The following SPATA17 variants were observed in gnomAD, a reference collection of about 807,000 sequenced individuals.
SPATA17 encodes the protein spermatogenesis-associated protein 17.
SPATA17 carries 53 observed loss-of-function variants against 62.2 expected under a neutral mutation model. The observed-to-expected ratio is 0.85, with a 90% CI of 0.68 to 1.07. SPATA17 has a LOEUF of 1.07. Ranked by LOEUF, SPATA17 falls within the 50% of genes least tolerant of loss-of-function variation. The pLI is 0.00. For missense variants in SPATA17, 466 were observed against 425.5 expected, an observed-to-expected ratio of 1.10 and a Z score of -0.84; for synonymous variants, 146 against 146.8, an observed-to-expected ratio of 0.99 and a Z score of 0.04.
chr1:217,667,957 C>T (rs1571718276), intron 3 of SPATA17, among the ~76,000 whole-genome samples: 1 of 152,216 alleles, frequency 6.6e-6, no homozygotes, highest in South Asian at 2.1e-4. Flanking sequence ...CCCTGCTGCT[C>T]TCCACAGACA....
chr1:217,696,094 T>C (rs925921938), intron 5 of SPATA17, among the ~76,000 whole-genome samples: 12 of 152,322 alleles, frequency 7.9e-5, no homozygotes, highest in African/African-American at 2.4e-4. Context: ...CTGCTAGCCT[T>C]GCTGCCGCCT....
chr1:217,841,148 T>A (rs1675386787), intron 9 of SPATA17, among the ~76,000 whole-genome samples: 1 of 151,966 alleles, frequency 6.6e-6, no homozygotes, highest in Non-Finnish European at 1.5e-5. Flanking sequence ...GAAGCATCTA[T>A]GAAACAATAT....
intron 6 of SPATA17, among the ~76,000 whole-genome samples, chr1:217,753,974 C>T (rs1044189207): frequency 3.3e-5 from 5 of 152,090 alleles, no homozygotes; most frequent in Non-Finnish European, 7.4e-5. Context: ...GTGTCTCACG[C>T]CTGTAATACC....
At chr1:217,669,801 G>A (rs1405390586) in intron 4 of SPATA17, among the ~76,000 whole-genome samples, 2 of 152,046 alleles carry the variant, frequency 1.3e-5, no homozygotes, top group South Asian at 2.1e-4. Flanking sequence ...TTTTGAGTGA[G>A]GCAAGGTAGT....
chr1:217,717,604 A>T (rs1281375932), intron 5 of SPATA17, among the ~76,000 whole-genome samples: 2 of 152,136 alleles, frequency 1.3e-5, no homozygotes, highest in African/African-American at 4.8e-5. Context: ...GTGATACTCT[A>T]TCTCAAAATA....
intron 7 of SPATA17, among the ~76,000 whole-genome samples, chr1:217,779,411 A>G (rs1041673175): frequency 6.7e-6 from 1 of 149,646 alleles, no homozygotes; most frequent in African/African-American, 2.5e-5. Flanking sequence ...TTTCTCTTTC[A>G]GTGTTTTTTC....
intron 8 of SPATA17, among the ~76,000 whole-genome samples, chr1:217,787,422 T>C (rs1438235016): frequency 2.0e-5 from 3 of 152,194 alleles, no homozygotes; most frequent in Non-Finnish European, 4.4e-5. Context: ...ATTTTTGTCA[T>C]ATTCTGTAAA....
intron 5 of SPATA17, among the ~76,000 whole-genome samples, chr1:217,719,984 T>C (rs1210629804): frequency 6.6e-6 from 1 of 152,160 alleles, no homozygotes; most frequent in African/African-American, 2.4e-5. Flanking sequence ...CCTACCTTTG[T>C]TGGAGTATGA....
At chr1:217,632,367 G>T (rs777979912) in intron 1 of SPATA17, among the ~76,000 whole-genome samples, 5 of 152,020 alleles carry the variant, frequency 3.3e-5, no homozygotes, top group Admixed American at 6.5e-5. Flanking sequence ...AAGAAGCATT[G>T]CCCCAGGAGT....
chr1:217,800,385 C>T (rs1282317432), intron 8 of SPATA17, among the ~76,000 whole-genome samples: 2 of 150,376 alleles, frequency 1.3e-5, no homozygotes, highest in East Asian at 1.9e-4. Flanking sequence ...ACTTAAGAGA[C>T]GAGCAGGGAA....
At chr1:217,854,645 T>G (rs1675736831) in intron 9 of SPATA17, among the ~76,000 whole-genome samples, 1 of 152,126 alleles carries the variant, frequency 6.6e-6, no homozygotes, top group South Asian at 2.1e-4. Context: ...CCAAATACTT[T>G]GAAACCCAGG....
intron 10 of SPATA17, among the ~76,000 whole-genome samples, chr1:217,864,865 T>G (rs536129386): frequency 6.6e-6 from 1 of 152,312 alleles, no homozygotes; most frequent in South Asian, 2.1e-4. Context: ...AAATTATTTA[T>G]ACAGAAAGAC....
At chr1:217,859,544 A>G (rs887133443) in intron 9 of SPATA17, among the ~76,000 whole-genome samples, 1 of 152,010 alleles carries the variant, frequency 6.6e-6, no homozygotes, top group African/African-American at 2.4e-5. Flanking sequence ...AGTAGCTGGG[A>G]CTACAGGTGT....
At chr1:217,724,874 T>G (rs1202428777) in intron 5 of SPATA17, among the ~76,000 whole-genome samples, 1 of 152,186 alleles carries the variant, frequency 6.6e-6, no homozygotes, top group Non-Finnish European at 1.5e-5. Flanking sequence ...AAAAGCCCTA[T>G]ATATGTTAAG....
At chr1:217,772,569 T>C (rs1009175580) in intron 6 of SPATA17, among the ~76,000 whole-genome samples, 1 of 152,224 alleles carries the variant, frequency 6.6e-6, no homozygotes, top group African/African-American at 2.4e-5. Context: ...GTATATTCTT[T>C]GAAAGCAGTC....
rs185784469 is a variant in SPATA17, at chr1:217,816,871, T to G, written c.1005+15021T>G. Among the ~76,000 whole-genome samples, 550 of 152,192 alleles carry G rather than the reference T, an allele frequency of 3.6e-3. 5 individuals are homozygous for G. Among genetic ancestry groups the G allele is most frequent in the African/African-American group, 0.013 (523 of 41,550 alleles). Reference sequence around the variant, plus strand: ...CATAAACTCTCTCTAGTTTATAAAGTGTTATTCTCTCAGCATGATGCTAAA... The same window carrying G: ...CATAAACTCTCTCTAGTTTATAAAGGGTTATTCTCTCAGCATGATGCTAAA... On this transcript the variant is annotated intron_variant, in intron 9 of 10. Coordinates refer to ENST00000366933, the MANE Select transcript of SPATA17 (RefSeq NM_138796.4).
intron 5 of SPATA17, among the ~76,000 whole-genome samples, chr1:217,734,988 C>T (rs766460652): frequency 2.6e-5 from 4 of 152,098 alleles, no homozygotes; most frequent in Non-Finnish European, 4.4e-5. Context: ...TGGTTCTACC[C>T]CCGCTTCCCA....
At chr1:217,706,161 C>T (rs931876226) in intron 5 of SPATA17, among the ~76,000 whole-genome samples, 1 of 152,062 alleles carries the variant, frequency 6.6e-6, no homozygotes, top group Non-Finnish European at 1.5e-5. Context: ...TAGCTTTGTT[C>T]TTTTTATTTA....
At chr1:217,759,459 A>T (rs1177271837) in intron 6 of SPATA17, among the ~76,000 whole-genome samples, 2 of 148,420 alleles carry the variant, frequency 1.3e-5, no homozygotes, top group African/African-American at 4.9e-5. Context: ...ACTATGCCTT[A>T]AAAAAAAAAG....
Sources: allele counts gnomAD v4.1 joint callset (sites outside exome capture counted in the v4.1 genomes callset), GRCh38; gene constraint gnomAD v4.1.1; transcripts MANE v1.5; gene names NCBI Gene and HGNC (gene_info 2026-07-23, HGNC 2026-07-21).